The following ST8SIA6 variants were observed in gnomAD, a reference collection of about 807,000 sequenced individuals.
ST8SIA6 encodes alpha-2,8-sialyltransferase 8F.
ST8SIA6 carries 39 observed loss-of-function variants against 33.6 expected under a neutral mutation model. That is an observed-to-expected ratio of 1.16 (90% CI 0.90 to 1.52). ST8SIA6 has a LOEUF of 1.52. ST8SIA6 is among the 40% of genes most tolerant of loss of function. The probability of loss-of-function intolerance (pLI) is 0.00; values close to 1 mark genes in which losing one functional copy is unlikely to be tolerated. For synonymous variants in ST8SIA6, 172 were observed against 167.2 expected (o/e 1.03, Z -0.22); for missense variants, 441 against 443.8 (o/e 0.99, Z 0.06).
intron 2 of ST8SIA6, among the ~76,000 whole-genome samples, chr10:17,417,532 C>T (rs147333388): frequency 1.6e-3 from 249 of 151,052 alleles, no homozygotes; most frequent in Middle Eastern, 3.4e-3. Flanking sequence ...GCATTTATTT[C>T]GACTTCTTTC....
chr10:17,398,584 T>C (rs773677532), intron 2 of ST8SIA6, among the ~76,000 whole-genome samples: 1 of 152,168 alleles, frequency 6.6e-6, no homozygotes, highest in Non-Finnish European at 1.5e-5. Context: ...ATATCCCAAA[T>C]TCTATTTACA....
chr10:17,408,737 A>T (rs1472496690), intron 2 of ST8SIA6, among the ~76,000 whole-genome samples: 1 of 151,948 alleles, frequency 6.6e-6, no homozygotes, highest in African/African-American at 2.4e-5. Flanking sequence ...TTGAGAGAAG[A>T]ATTTTATTTT....
At chr10:17,392,067 T>C (rs964168290) in intron 2 of ST8SIA6, among the ~76,000 whole-genome samples, 1 of 152,244 alleles carries the variant, frequency 6.6e-6, no homozygotes, top group African/African-American at 2.4e-5. Flanking sequence ...TAGCCTAATA[T>C]GGGTTGGGCC....
At chr10:17,445,119 GGTTA>G (rs1407496111) in intron 2 of ST8SIA6, among the ~76,000 whole-genome samples, 1 of 118,006 alleles carries the variant, frequency 8.5e-6, no homozygotes, top group Non-Finnish European at 1.9e-5. Context: ...CTAGAGTTAG[GGTTA>G]GTTTTCTTTT....
chr10:17,453,631 G>A lies in ST8SIA6; in HGVS notation c.128C>T (p.Ala43Val), dbSNP rs774335113. ...ARILVEESREATHGTPAALRT... is the reference protein window; with the variant it reads ...ARILVEESREVTHGTPAALRT... ...CAGCGCTGCGGGGGTGCCGTGGGTG[G>A]CCTCCCTGCTTTCCTCCACCAGAAT... is the stretch of plus-strand genomic sequence containing the variant. The change falls in exon 2 of 8, where the codon GCC becomes GTC. Residue 43 changes from alanine to valine, a missense_variant. By Grantham distance (64) the Ala-to-Val change is moderately conservative (BLOSUM62 0). Coordinates refer to ENST00000377602, the MANE Select transcript of ST8SIA6 (RefSeq NM_001004470.3). 2 of 1,325,030 alleles carry A rather than the reference G, an allele frequency of 1.5e-6. No homozygotes were observed. Among genetic ancestry groups the A allele is most frequent in the Admixed American group, 6.2e-5 (2 of 32,472 alleles). 82.1% of individuals were successfully genotyped at this position (1,325,030 alleles called of 1,614,324 possible). A position where few individuals can be genotyped will look rare whatever the true frequency, so the allele number is the denominator to read the frequency against.
intron 2 of ST8SIA6, among the ~76,000 whole-genome samples, chr10:17,402,675 CAAAA>C (rs1291939357): frequency 1.3e-5 from 2 of 151,408 alleles, no homozygotes; most frequent in Admixed American, 1.3e-4. Flanking sequence ...ATCGCAAGAA[CAAAA>C]AACCAAACAC....
Position 17,321,356 on chromosome 10 carries a change from TA to T in ST8SIA6, c.729-11del, listed in dbSNP as rs746681940. ...CTTTAAGTTCCCATATCTGCCAAAT[TA>T]AAAAAAAATTATAGTAATCCCAAGA... is the stretch of plus-strand genomic sequence containing the variant. On this transcript the variant is annotated splice_polypyrimidine_tract_variant and intron_variant, in intron 7 of 7. Coordinates refer to ENST00000377602, the MANE Select transcript of ST8SIA6 (RefSeq NM_001004470.3). 222 of 1,562,416 alleles carry T rather than the reference TA, an allele frequency of 1.4e-4. 1 individual carries two copies. Among genetic ancestry groups the T allele is most frequent in the African/African-American group, 3.6e-4 (26 of 72,010 alleles).
chr10:17,357,274 T>C (rs1399837919), intron 4 of ST8SIA6, among the ~76,000 whole-genome samples: 2 of 151,026 alleles, frequency 1.3e-5, no homozygotes, highest in African/African-American at 2.4e-5. Flanking sequence ...TACAAGTGCA[T>C]GCCACCACGC....
chr10:17,344,384 G>A (rs528174683), intron 4 of ST8SIA6, among the ~76,000 whole-genome samples: 7 of 152,326 alleles, frequency 4.6e-5, no homozygotes, highest in Admixed American at 2.6e-4. Context: ...GCCAGGAGGA[G>A]CAAAGCCACA....
chr10:17,351,415 A>C (rs576212052), intron 4 of ST8SIA6, among the ~76,000 whole-genome samples: 5 of 150,592 alleles, frequency 3.3e-5, no homozygotes, highest in African/African-American at 1.2e-4. Flanking sequence ...AAAGTAAAAA[A>C]AAATTTTAGT....
intron 4 of ST8SIA6, among the ~76,000 whole-genome samples, chr10:17,353,153 A>G (rs1849087036): frequency 6.6e-6 from 1 of 152,176 alleles, no homozygotes; most frequent in Admixed American, 6.6e-5. Context: ...CTGGGACATA[A>G]TAAGGGTCAA....
At chr10:17,407,131 T>C (rs1851294176) in intron 2 of ST8SIA6, among the ~76,000 whole-genome samples, 1 of 152,144 alleles carries the variant, frequency 6.6e-6, no homozygotes, top group Non-Finnish European at 1.5e-5. Flanking sequence ...ACCTTGTTGA[T>C]TTTTGCTGCT....
At chr10:17,417,579 T>G (rs1851644353) in intron 2 of ST8SIA6, among the ~76,000 whole-genome samples, 1 of 151,804 alleles carries the variant, frequency 6.6e-6, no homozygotes, top group Non-Finnish European at 1.5e-5. Flanking sequence ...GAGGGCAGGC[T>G]TTTGTCTGGC....
At chr10:17,445,481 T>C (rs1852671117) in intron 2 of ST8SIA6, among the ~76,000 whole-genome samples, 2 of 152,246 alleles carry the variant, frequency 1.3e-5, no homozygotes, top group South Asian at 2.1e-4. Flanking sequence ...ACAGACCAGG[T>C]CCAGGGAGAA....
intron 3 of ST8SIA6, among the ~76,000 whole-genome samples, chr10:17,372,914 G>A (rs1214906203): frequency 6.6e-6 from 1 of 152,172 alleles, no homozygotes; most frequent in Non-Finnish European, 1.5e-5. Flanking sequence ...ATACCAGGAA[G>A]AGAGGATCTT....
At chr10:17,397,558 A>T (rs986250963) in intron 2 of ST8SIA6, among the ~76,000 whole-genome samples, 2 of 151,940 alleles carry the variant, frequency 1.3e-5, no homozygotes, top group African/African-American at 4.8e-5. Flanking sequence ...TGATCACATC[A>T]TTTCCCTGCT....
chr10:17,331,712 A>G (rs1337576436), intron 4 of ST8SIA6, among the ~76,000 whole-genome samples, 160 bp from the exon 5 acceptor site: 1 of 152,148 alleles, frequency 6.6e-6, no homozygotes, highest in Non-Finnish European at 1.5e-5. Context: ...TCCAGGTTTC[A>G]TATCCCTTGA....
Position 17,416,013 on chromosome 10 carries a change from G to T in ST8SIA6, c.201-25393C>A, listed in dbSNP as rs145466246. 1.8e-4 allele frequency among the ~76,000 whole-genome samples: 27 copies of T among 151,820 alleles called. No individual in the cohort carries two copies. In the East Asian group the frequency reaches 5.0e-3, roughly 28 times the overall value. On this transcript the variant is annotated intron_variant, in intron 2 of 7. Transcript: ENST00000377602. ...AGTAGAGACAGGGTTTCACCATGTT[G>T]CCCAGGCTGGTCTTGAACTCCTGAC... is the stretch of plus-strand genomic sequence containing the variant.
chr10:17,430,587 G>GAGTA (rs1436748987), intron 2 of ST8SIA6, among the ~76,000 whole-genome samples: 2 of 152,046 alleles, frequency 1.3e-5, no homozygotes, highest in African/African-American at 2.4e-5. Flanking sequence ...TTTTTTGCCA[G>GAGTA]AGTAAGGTGG....
Sources: gnomAD v4.1 joint callset for allele counts (sites outside exome capture counted in the v4.1 genomes callset) on GRCh38, gnomAD v4.1.1 for gene constraint, MANE v1.5 for transcripts, NCBI Gene and HGNC (gene_info 2026-07-23, HGNC 2026-07-21) for gene names.